The following TLR1 variants were observed in gnomAD, a reference collection of about 807,000 sequenced individuals.
TLR1 encodes the protein toll-like receptor 1.
Under a neutral mutation model 20.2 loss-of-function variants are expected in TLR1, and 19 were observed. That is an observed-to-expected ratio of 0.94 (90% CI 0.66 to 1.38). The LOEUF is 1.38. Ranked by LOEUF, TLR1 falls within the 40% of genes most tolerant of loss-of-function variation. The pLI, the probability that TLR1 is intolerant of heterozygous loss-of-function variation, is 0.00. For synonymous variants in TLR1, 320 were observed against 334.5 expected (o/e 0.96, Z 0.47); for missense variants, 921 against 910.0 (o/e 1.01, Z -0.16).
intron 2 of TLR1, among the ~76,000 whole-genome samples, chr4:38,801,175 T>C (rs767688500): frequency 6.6e-6 from 1 of 152,212 alleles, no homozygotes; most frequent in African/African-American, 2.4e-5. Context: ...CCCAAGGTGA[T>C]GGTATTAGCA....
downstream of TLR1, among the ~76,000 whole-genome samples, chr4:38,795,853 G>T (rs546365180): frequency 1.3e-5 from 2 of 152,086 alleles, no homozygotes; most frequent in South Asian, 2.1e-4. Context: ...CCCATTTTTT[G>T]ATTTATCTCA....
intron 3 of TLR1, among the ~76,000 whole-genome samples, chr4:38,799,514 G>A (rs1322066111): frequency 6.6e-6 from 1 of 152,136 alleles, no homozygotes; most frequent in Non-Finnish European, 1.5e-5. Context: ...GAACGTTGAG[G>A]GCAAAGCCAC....
downstream of TLR1, among the ~76,000 whole-genome samples, chr4:38,789,726 G>A (rs1436510087): frequency 6.6e-6 from 1 of 152,170 alleles, no homozygotes; most frequent in East Asian, 1.9e-4. Context: ...GCCTCCCAAA[G>A]TGCTGGGAAT....
rs751709241 is a variant in TLR1, at chr4:38,796,651, G to T, written c.2181C>A (p.Ile727=). 5.6e-6 allele frequency: 9 copies of T among 1,614,058 alleles called. No homozygotes were observed. Among genetic ancestry groups the T allele is most frequent in the East Asian group, 4.5e-5 (2 of 44,888 alleles). The change falls in exon 4 of 4, where the codon ATC becomes ATA. Residue 727 remains isoleucine (I), a synonymous_variant. Transcript: ENST00000308979. The stretch of plus-strand genomic sequence containing the variant: ...GCGGAATGGGTTCCAGCAAGATCAG[G>T]ATTAAGCTATTAGATCCTTCATGAA... ...NLFHEGSNSL[I]LILLEPIPQY... is the part of the protein sequence containing the mutation.
chr4:38,796,904 T>C lies in TLR1; in HGVS notation c.1928A>G (p.Tyr643Cys), dbSNP rs768377863. ...RNLQFHAFISYSGHDSFWVKN... is the reference protein window; with the variant it reads ...RNLQFHAFISCSGHDSFWVKN... ...CACCCAGAAAGAATCGTGCCCACTA[T>C]ATGAAATAAATGCATGAAACTGGAG... The change falls in exon 4 of 4, where the codon TAT becomes TGT. Residue 643 changes from tyrosine (Y) to cysteine (C), a missense_variant. By Grantham distance (194) the Tyr-to-Cys change is radical. Transcript: ENST00000308979. 1.5e-5 allele frequency: 25 copies of C among 1,614,132 alleles called. No individual in the cohort carries two copies. The highest frequency in any genetic ancestry group is 6.7e-5 in the Admixed American group (4 of 60,004).
chr4:38,801,472 T>C (rs1206709542), intron 2 of TLR1, among the ~76,000 whole-genome samples: 1 of 152,168 alleles, frequency 6.6e-6, no homozygotes, highest in Admixed American at 6.5e-5. Flanking sequence ...ATAATGGGAA[T>C]AAAAATAATA....
At position 38,798,437 on chromosome 4, in the gene TLR1, C is replaced by A; in HGVS notation, c.395G>T (p.Cys132Phe). ...TTGAGACATATTGCCAAACTCTTTG[C>A]ATATAGGCAGGGCATCAAATGCATT... is the stretch of plus-strand genomic sequence containing the variant. ...SFNAFDALPICKEFGNMSQLK... is the reference protein window; with the variant it reads ...SFNAFDALPIFKEFGNMSQLK... Residue 132 changes from cysteine (C) to phenylalanine (F), a missense_variant, in exon 4 of 4, where the codon TGC becomes TTC. Cys to Phe is a radical substitution (Grantham distance 205). Transcript: ENST00000308979. The A allele has an allele frequency of 6.2e-7, 1 of 1,613,764 alleles. No homozygotes were observed. The highest frequency in any genetic ancestry group is 8.5e-7 in the Non-Finnish European group (1 of 1,179,800).
At chr4:38,791,037 T>C (rs1235381010) in exon 4 of TLR1, 4 of 152,320 alleles carry the variant, frequency 2.6e-5, no homozygotes, top group African/African-American at 7.2e-5. Context: ...TGGGTGTTTA[T>C]CTGGGGAATT....
In TLR1 at chr4:38,798,398, C is replaced by A; in HGVS notation, c.434G>T (p.Gly145Val). 6.2e-7 allele frequency: 1 copy of A among 1,613,522 alleles called. No homozygotes were observed. Among genetic ancestry groups the A allele is most frequent in the Non-Finnish European group, 8.5e-7 (1 of 1,179,696 alleles). The change falls in exon 4 of 4, where the codon GGG becomes GTG. Residue 145 changes from glycine (G) to valine (V), a missense_variant. Transcript: ENST00000308979. ...FGNMSQLKFL[G>V]LSTTHLEKSS... ...TTTTTCTAAGTGTGTGGTGCTCAAC[C>A]CCAGAAATTTTAGTTGAGACATATT...
chr4:38,787,861 T>C (rs1362302180), downstream of TLR1, among the ~76,000 whole-genome samples: 1 of 152,300 alleles, frequency 6.6e-6, no homozygotes, highest in Non-Finnish European at 1.5e-5. Flanking sequence ...ACTTGAACTC[T>C]AATGCACCCA....
chr4:38,801,858 C>A (rs1184244443), intron 2 of TLR1, among the ~76,000 whole-genome samples: 1 of 152,180 alleles, frequency 6.6e-6, no homozygotes, highest in Non-Finnish European at 1.5e-5. Flanking sequence ...GCCCCCCAAC[C>A]AGGAATATCA....
At chr4:38,799,445 G>A (rs1373149952) in intron 3 of TLR1, among the ~76,000 whole-genome samples, 1 of 152,170 alleles carries the variant, frequency 6.6e-6, no homozygotes, top group Non-Finnish European at 1.5e-5. Flanking sequence ...AGAAGCTAGA[G>A]GAGGCTCTGG....
At chr4:38,804,206 A>C (rs2109375346) in intron 2 of TLR1, 100 bp downstream of exon 2, 1 of 152,344 alleles carries the variant, frequency 6.6e-6, no homozygotes, top group African/African-American at 2.4e-5. Flanking sequence ...CAAAACCTGC[A>C]ATTCTACCTC....
At chr4:38,804,111 C>A (rs938626171) in intron 2 of TLR1, among the ~76,000 whole-genome samples, 195 bp downstream of exon 2, 2 of 152,198 alleles carry the variant, frequency 1.3e-5, no homozygotes, top group African/African-American at 4.8e-5. Flanking sequence ...GCTTTCTATG[C>A]GGTTTTGTGA....
At chr4:38,795,720 G>A (rs1489861810), downstream of TLR1, among the ~76,000 whole-genome samples, 1 of 152,204 alleles carries the variant, frequency 6.6e-6, no homozygotes, top group East Asian at 1.9e-4. Flanking sequence ...TACACATGGA[G>A]GAATAAGTAA....
downstream of TLR1, among the ~76,000 whole-genome samples, chr4:38,794,967 C>T (rs1240984257): frequency 2.0e-5 from 3 of 152,072 alleles, no homozygotes; most frequent in African/African-American, 7.2e-5. Flanking sequence ...TTTGGAGCAG[C>T]GATCTCAGGA....
Position 38,798,332 on chromosome 4 carries a change from A to G in TLR1, c.500T>C (p.Val167Ala). 3 of 1,613,868 alleles carry G rather than the reference A, an allele frequency of 1.9e-6. No individual in the cohort carries two copies. Among genetic ancestry groups the G allele is most frequent in the Non-Finnish European group, 2.5e-6 (3 of 1,179,926 alleles). ...LPIAHLNISK[V>A]LLVLGETYGE... ...ATAAGTCTCTCCTAAGACCAGCAAG[A>G]CCTTGCTGATATTCAAATGAGCAAT... The change falls in exon 4 of 4, where the codon GTC (valine) becomes GCC (alanine). Residue 167 changes from valine (V) to alanine (A), a missense_variant. Transcript: ENST00000308979.
At position 38,797,828 on chromosome 4, in the gene TLR1, C is replaced by A; in HGVS notation, c.1004G>T (p.Gly335Val). Reference protein sequence around the residue: ...NMNIKNFTVSGTRMVHMLCPS... With the variant: ...NMNIKNFTVSVTRMVHMLCPS... ...GCAAAGCATGTGGACCATGCGTGTA[C>A]CAGACACTGTGAAATTTTTGATGTT... is the stretch of plus-strand genomic sequence containing the variant. The change falls in exon 4 of 4, where the codon GGT becomes GTT. Residue 335 changes from glycine to valine, a missense_variant. Gly to Val is a moderately radical substitution (Grantham distance 109). Coordinates refer to ENST00000308979, the MANE Select transcript of TLR1 (RefSeq NM_003263.4). 4.3e-6 allele frequency: 7 copies of A among 1,614,036 alleles called. No individual in the cohort carries two copies. The highest frequency in any genetic ancestry group is 5.9e-6 in the Non-Finnish European group (7 of 1,179,944).
rs1182376603 is a variant in TLR1 at position 38,797,430 on chromosome 4, C to G, written c.1402G>C (p.Glu468Gln). ...KSIPKQVVKLEALQELNVAFN... is the reference protein window; with the variant it reads ...KSIPKQVVKLQALQELNVAFN... ...GCAACATTGAGTTCTTGCAAAGCTT[C>G]CAGTTTTACGACTTGTTTAGGAATG... Residue 468 changes from glutamate to glutamine, a missense_variant, in exon 4 of 4, where the codon GAA becomes CAA. Glu to Gln is a conservative substitution (Grantham distance 29). Transcript: ENST00000308979. 3.7e-6 allele frequency: 6 copies of G among 1,614,192 alleles called. No homozygotes were observed. The highest frequency in any genetic ancestry group is 5.1e-6 in the Non-Finnish European group (6 of 1,180,034).
Sources: gnomAD v4.1 joint callset for allele counts (sites outside exome capture counted in the v4.1 genomes callset) on GRCh38, gnomAD v4.1.1 for gene constraint, MANE v1.5 for transcripts, NCBI Gene and HGNC (gene_info 2026-07-23, HGNC 2026-07-21) for gene names.